VIT: variants seen among roughly 807,000 people sequenced by gnomAD.
VIT encodes the protein vitrin.
VIT carries 99 observed loss-of-function variants against 78.0 expected under a neutral mutation model. The ratio of observed to expected loss-of-function variants is 1.27; its 90% CI spans 1.08 to 1.50. VIT has a LOEUF of 1.50. Among genes scored for constraint, VIT ranks in the 40% most tolerant of loss-of-function variants. The pLI is 0.00. For synonymous variants in VIT, 374 were observed against 334.3 expected, an observed-to-expected ratio of 1.12 and a Z score of -1.29; for missense variants, 1,126 against 875.3, an observed-to-expected ratio of 1.29 and a Z score of -3.61.
At chr2:36,724,573 A>C (rs1666721758) in intron 2 of VIT, among the ~76,000 whole-genome samples, 2 of 152,222 alleles carry the variant, frequency 1.3e-5, no homozygotes, top group South Asian at 4.1e-4. Flanking sequence ...GGGCACAAGC[A>C]CATTTGCAGA....
rs76274545 is a variant in VIT, at chr2:36,750,012, C to T, written c.276-4909C>T. ...TCTTTTCCCCATTACTGCAGAGGGA[C>T]GAGGAGTGAACTGGTTTTTCAAAGG... On this transcript the variant is annotated intron_variant, in intron 4 of 15. Coordinates refer to ENST00000379242, the MANE Select transcript of VIT (RefSeq NM_053276.4). Among the ~76,000 whole-genome samples, 494 of 152,112 alleles carry T rather than the reference C, an allele frequency of 3.2e-3. 25 individuals are homozygous for T. The East Asian group carries it at 0.079, about 24-fold the overall frequency.
rs1314659995 is a variant in VIT, at chr2:36,767,149, G to A, written c.543G>A (p.Pro181=). The change falls in exon 7 of 16, where the codon CCG becomes CCA. Residue 181 remains proline (P), a synonymous_variant. Coordinates refer to ENST00000379242, the MANE Select transcript of VIT (RefSeq NM_053276.4). ...RPPIPGTTAQ[P]VTLMQLLAVT... is the part of the protein sequence containing the mutation. ...CTATTCCAGGGACAACTGCACAGCC[G>A]GTCACTCTGATGCAGCTTCTGGCTG... is the stretch of plus-strand genomic sequence containing the variant. The A allele has an allele frequency of 1.9e-6, 3 of 1,608,916 alleles. No individual in the cohort carries two copies. Among genetic ancestry groups the A allele is most frequent in the Admixed American group, 1.7e-5 (1 of 59,068 alleles).
chr2:36,716,393 T>C lies in VIT; in HGVS notation c.23T>C (p.Met8Thr). 6.2e-7 allele frequency: 1 copy of C among 1,614,074 alleles called. No homozygotes were observed. Among genetic ancestry groups the C allele is most frequent in the Non-Finnish European group, 8.5e-7 (1 of 1,179,942 alleles). MRTVVLT[M>T]KASVIEMFLV... ...TTTATGAGGACTGTTGTTCTCACTA[T>C]GAAGGCATCTGTTATTGAAATGTTC... is the stretch of plus-strand genomic sequence containing the variant. Residue 8 changes from methionine (M) to threonine (T), a missense_variant, in exon 2 of 16, where the codon ATG (methionine) becomes ACG (threonine). Transcript: ENST00000379242.
At position 36,728,825 on chromosome 2, in the gene VIT, AAAAAG is replaced by A. The variant is rs1380370043; in HGVS notation, c.53-596_53-592del. 2.6e-4 allele frequency among the ~76,000 whole-genome samples: 6 copies of A among 23,036 alleles called. 2 individuals carry two copies. The highest frequency in any genetic ancestry group is 6.8e-4 in the Non-Finnish European group (5 of 7,324). The allele number at this position is 23,036 out of a possible 152,430, so 15.1% of individuals were successfully genotyped here. A position where few individuals can be genotyped will look rare whatever the true frequency, so the allele number is the denominator to read the frequency against. On this transcript the variant is annotated intron_variant, in intron 2 of 15. Coordinates refer to ENST00000379242, the MANE Select transcript of VIT (RefSeq NM_053276.4). The stretch of plus-strand genomic sequence containing the variant: ...AAGACTCCGTCTCAAAAAAAAAAAA[AAAAAG>A]AAAAAAGAAAAAATATTTTTTATAA...
At chr2:36,806,692 A>G (rs1004442392) in intron 14 of VIT, among the ~76,000 whole-genome samples, 11 of 152,086 alleles carry the variant, frequency 7.2e-5, no homozygotes, top group African/African-American at 2.7e-4. Flanking sequence ...GACTACAGGC[A>G]CACACCACCA....
chr2:36,758,708 AAAG>A (rs1484598290), intron 5 of VIT, among the ~76,000 whole-genome samples: 1 of 152,232 alleles, frequency 6.6e-6, no homozygotes, highest in Non-Finnish European at 1.5e-5. Context: ...TTCACGGGTG[AAAG>A]AAGGATTGCT....
chr2:36,811,601 A>T (rs1392627208), intron 15 of VIT, among the ~76,000 whole-genome samples: 1 of 152,046 alleles, frequency 6.6e-6, no homozygotes, highest in African/African-American at 2.4e-5. Flanking sequence ...TGCCAGTAGG[A>T]GATTCTGTAC....
chr2:36,745,210 A>G (rs1266700278), intron 4 of VIT, among the ~76,000 whole-genome samples: 1 of 151,866 alleles, frequency 6.6e-6, no homozygotes, highest in Non-Finnish European at 1.5e-5. Context: ...TGTTGTTTTG[A>G]TTGCTGTAGC....
intron 6 of VIT, among the ~76,000 whole-genome samples, chr2:36,759,897 C>T (rs1172253974): frequency 6.6e-6 from 1 of 152,218 alleles, no homozygotes; most frequent in African/African-American, 2.4e-5. Context: ...TATACTATTA[C>T]TCTGGCTGAG....
At chr2:36,808,363 A>G in intron 14 of VIT, 109 bp from the exon 15 acceptor site, 1 of 1,418,774 alleles carries the variant, frequency 7.0e-7, no homozygotes, top group Non-Finnish European at 9.4e-7. Context: ...GCTAGTGCAG[A>G]AAACAAGGGC....
rs181941429 is a variant in VIT, at chr2:36,804,935, G to C, written c.1163-503G>C. On this transcript the variant is annotated intron_variant, in intron 13 of 15. Transcript: ENST00000379242. ...GCTTGAAATGAAACCAAAATGGACA[G>C]TGGTAACGGCTGCACATTGTGAACG... Among the ~76,000 whole-genome samples, 11 of 152,322 alleles carry C rather than the reference G, an allele frequency of 7.2e-5. No individual in the cohort carries two copies. In the East Asian group the frequency reaches 2.1e-3, roughly 29 times the overall value.
At chr2:36,702,929 G>A (rs887891119) in intron 1 of VIT, among the ~76,000 whole-genome samples, 3 of 152,276 alleles carry the variant, frequency 2.0e-5, no homozygotes, top group Admixed American at 2.0e-4. Context: ...GCTCTGTCTG[G>A]CTGCTTTCTG....
At chr2:36,712,269 A>G (rs1573123705) in intron 1 of VIT, among the ~76,000 whole-genome samples, 4 of 152,284 alleles carry the variant, frequency 2.6e-5, no homozygotes, top group African/African-American at 7.2e-5. Flanking sequence ...AAGATACTAG[A>G]GTGATTCTGG....
chr2:36,721,978 T>A (rs535023520), intron 2 of VIT, among the ~76,000 whole-genome samples: 8 of 152,316 alleles, frequency 5.3e-5, no homozygotes, highest in African/African-American at 1.9e-4. Context: ...CAGTGTTGTA[T>A]CTCTAGTGCT....
chr2:36,756,455 C>A (rs1341083348), intron 5 of VIT, among the ~76,000 whole-genome samples: 4 of 152,134 alleles, frequency 2.6e-5, no homozygotes, highest in Non-Finnish European at 2.9e-5. Context: ...AGAAATGTTT[C>A]ATAAAACAGT....
chr2:36,751,101 T>C (rs528919662), intron 4 of VIT, among the ~76,000 whole-genome samples: 1 of 150,014 alleles, frequency 6.7e-6, no homozygotes, highest in African/African-American at 2.5e-5. Context: ...CTCTACTAAA[T>C]ACAAAAAAAT....
At chr2:36,765,937 C>G (rs1280391501) in intron 6 of VIT, among the ~76,000 whole-genome samples, 1 of 152,238 alleles carries the variant, frequency 6.6e-6, no homozygotes, top group Admixed American at 6.5e-5. Context: ...TACACAGGGA[C>G]AGAAGCTGGC....
intron 12 of VIT, among the ~76,000 whole-genome samples, chr2:36,789,979 G>A (rs1665375016): frequency 6.6e-6 from 1 of 152,112 alleles, no homozygotes. Flanking sequence ...ACAGCTTCCT[G>A]GAAGATTCCT....
intron 6 of VIT, among the ~76,000 whole-genome samples, chr2:36,762,077 G>A (rs797022393): frequency 1.1e-4 from 17 of 152,200 alleles, no homozygotes; most frequent in African/African-American, 2.4e-4. Flanking sequence ...ATGATAACTC[G>A]GATAATAAAA....
Sources: allele counts gnomAD v4.1 joint callset (sites outside exome capture counted in the v4.1 genomes callset), GRCh38; gene constraint gnomAD v4.1.1; transcripts MANE v1.5; gene names NCBI Gene and HGNC (gene_info 2026-07-23, HGNC 2026-07-21).